Variants in CCDC9 observed in about 807,000 individuals in gnomAD.
CCDC9 encodes the protein coiled-coil domain-containing protein 9.
A neutral mutation model predicts 65.6 loss-of-function variants in CCDC9; 52 were observed. That is an observed-to-expected ratio of 0.79 (90% CI 0.63 to 1.00). The LOEUF (loss-of-function observed/expected upper bound fraction) is 1.00. Ranked by LOEUF, CCDC9 falls within the 50% of genes least tolerant of loss-of-function variation. The pLI is 0.00. For missense variants in CCDC9, 834 were observed against 757.2 expected (o/e 1.10, Z -1.19); for synonymous variants, 332 against 280.3 (o/e 1.18, Z -1.84).
At position 47,271,765 on chromosome 19, in the gene CCDC9, G is replaced by C. The variant is rs1316428472; in HGVS notation, c.*87G>C. 1 of 1,472,832 alleles carries C rather than the reference G, an allele frequency of 6.8e-7. No individual in the cohort carries two copies. Among genetic ancestry groups the C allele is most frequent in the Non-Finnish European group, 8.9e-7 (1 of 1,117,430 alleles). 91.2% of individuals were successfully genotyped at this position (1,472,832 alleles called of 1,614,324 possible). A position where few individuals can be genotyped will look rare whatever the true frequency, so the allele number is the denominator to read the frequency against. ...CGCGCGCGCGCGCGCGCGCGCTAGA[G>C]GGGTGTGGCTGGTGGGGGACCCTTG... On this transcript the variant is annotated 3_prime_UTR_variant, in exon 12 of 12. Transcript: ENST00000221922.
intron 3 of CCDC9, among the ~76,000 whole-genome samples, chr19:47,258,910 AC>A (rs2059028313): frequency 6.6e-6 from 1 of 152,218 alleles, no homozygotes; most frequent in Non-Finnish European, 1.5e-5. Flanking sequence ...TGTGACTGAG[AC>A]AGACCCAGGC....
downstream of CCDC9, chr19:47,272,008 C>T: frequency 8.1e-7 from 1 of 1,239,088 alleles, no homozygotes; most frequent in Non-Finnish European, 1.0e-6. Context: ...TGGGCCTTCT[C>T]TCTTGGGGTG....
downstream of CCDC9, among the ~76,000 whole-genome samples, chr19:47,274,146 G>T (rs1269367692): frequency 2.0e-5 from 3 of 152,234 alleles, no homozygotes; most frequent in Non-Finnish European, 2.9e-5. Context: ...GAGGAGCTGG[G>T]AGAAGGGGCG....
At chr19:47,259,617 G>T (rs1453432826) in intron 3 of CCDC9, among the ~76,000 whole-genome samples, 2 of 152,086 alleles carry the variant, frequency 1.3e-5, no homozygotes, top group Non-Finnish European at 2.9e-5. Context: ...AGGTGGCATG[G>T]GTTTCATTTA....
At chr19:47,270,265 G>A (rs116465329) in intron 8 of CCDC9, 142 bp from the exon 9 acceptor site, 21 of 770,890 alleles carry the variant, frequency 2.7e-5, no homozygotes, top group African/African-American at 6.8e-5. Context: ...CACCATGCCC[G>A]GCCCTGTCCT....
At position 47,258,540 on chromosome 19, in the gene CCDC9, A is replaced by C; in HGVS notation, c.4-19A>C. 6.2e-7 allele frequency: 1 copy of C among 1,610,808 alleles called. No individual in the cohort carries two copies. Among genetic ancestry groups the C allele is most frequent in the African/African-American group, 1.3e-5 (1 of 74,936 alleles). Reference sequence around the variant, plus strand: ...ATGGAGGTTTTTCCTTCCATCCCTCAACTGCCTCCCGGTCTCAGGCAGCCA... The same window carrying C: ...ATGGAGGTTTTTCCTTCCATCCCTCCACTGCCTCCCGGTCTCAGGCAGCCA... On this transcript the variant is annotated intron_variant, in intron 2 of 11. Coordinates refer to ENST00000221922, the MANE Select transcript of CCDC9 (RefSeq NM_015603.3).
chr19:47,274,963 G>A, downstream of CCDC9: 2 of 1,399,320 alleles, frequency 1.4e-6, no homozygotes, highest in Non-Finnish European at 1.8e-6. Context: ...GAGAGCCCCG[G>A]AGGCGCGGGG....
downstream of CCDC9, chr19:47,273,264 T>A: frequency 1.4e-6 from 1 of 733,814 alleles, no homozygotes; most frequent in Non-Finnish European, 1.8e-6. Flanking sequence ...TCGAACTGGA[T>A]GAGAGACGTG....
intron 5 of CCDC9, among the ~76,000 whole-genome samples, chr19:47,263,420 G>A (rs2059058649): frequency 6.6e-6 from 1 of 152,170 alleles, no homozygotes; most frequent in Non-Finnish European, 1.5e-5. Flanking sequence ...CTTTCCCTGT[G>A]GAGTCCCAGG....
intron 1 of CCDC9, among the ~76,000 whole-genome samples, chr19:47,257,221 GGA>G (rs1484058292): frequency 6.6e-6 from 1 of 151,012 alleles, no homozygotes; most frequent in African/African-American, 2.4e-5. Context: ...GGTGTGGGAG[GGA>G]GTCAGGGGGC....
chr19:47,256,766 C>T (rs1318404128), intron 1 of CCDC9, among the ~76,000 whole-genome samples, 157 bp downstream of exon 1: 1 of 12,918 alleles, frequency 7.7e-5, no homozygotes, highest in Non-Finnish European at 1.4e-4. Flanking sequence ...GCTGGCGGGG[C>T]GGGCCGTTGG....
chr19:47,275,231 AC>A, downstream of CCDC9: 2 of 1,531,262 alleles, frequency 1.3e-6, no homozygotes, highest in South Asian at 1.2e-5. Context: ...GCGGGCCGCG[AC>A]CCCAGCTCCA....
chr19:47,271,279 CGAG>C lies in CCDC9; in HGVS notation c.1198_1200del (p.Glu400del). The C allele has an allele frequency of 6.2e-7, 1 of 1,612,300 alleles. No homozygotes were observed. The highest frequency in any genetic ancestry group is 8.5e-7 in the Non-Finnish European group (1 of 1,179,138). On this transcript the variant is annotated inframe_deletion, in exon 12 of 12. Transcript: ENST00000221922. ...ACTTGCCTGTGTCCCCAAAGCCACC[CGAG>C]ATCCCAGCTCCTGCCCACCGGCCTC...
chr19:47,259,787 A>G (rs1485571450), intron 3 of CCDC9, among the ~76,000 whole-genome samples: 1 of 152,228 alleles, frequency 6.6e-6, no homozygotes, highest in African/African-American at 2.4e-5. Context: ...TGGAGGAAGC[A>G]GACAGTGAGC....
chr19:47,263,228 C>T (rs871966), intron 5 of CCDC9, among the ~76,000 whole-genome samples: 11,690 of 152,138 alleles, frequency 0.077, 1,512 homozygotes, highest in African/African-American at 0.26. Context: ...ACTATGATTG[C>T]GGCAACCTTG....
At chr19:47,258,253 G>A (rs1046406790) in intron 1 of CCDC9, 77 bp from the exon 2 acceptor site, 1 of 778,488 alleles carries the variant, frequency 1.3e-6, no homozygotes, top group African/African-American at 1.7e-5. Context: ...ATGGCTGTGA[G>A]GATCCCGCAG....
In CCDC9 at chr19:47,271,353, G is replaced by T. The variant is rs1013904845; in HGVS notation, c.1271G>T (p.Trp424Leu). 3.1e-6 allele frequency: 5 copies of T among 1,613,526 alleles called. No homozygotes were observed. The highest frequency in any genetic ancestry group is 1.3e-5 in the African/African-American group (1 of 74,884). The stretch of plus-strand genomic sequence containing the variant: ...AATGAGGGGGAAGAGGATGAAGAAT[G>T]GGAGGACATAAGTGAGGATGAGGAA... ...EENEGEEDEE[W>L]EDISEDEEEE... Residue 424 changes from tryptophan (W) to leucine (L), a missense_variant, in exon 12 of 12, where the codon TGG (tryptophan) becomes TTG (leucine). Coordinates refer to ENST00000221922, the MANE Select transcript of CCDC9 (RefSeq NM_015603.3).
intron 3 of CCDC9, 91 bp downstream of exon 3, chr19:47,258,754 C>T (rs1161239631): frequency 7.8e-6 from 7 of 896,266 alleles, no homozygotes; most frequent in South Asian, 4.1e-5. Flanking sequence ...CTTTTCATGG[C>T]TCCCCATCAC....
chr19:47,264,567 C>T (rs1003353563), intron 5 of CCDC9, 36 bp from the exon 6 acceptor site: 3 of 1,551,900 alleles, frequency 1.9e-6, no homozygotes, highest in Non-Finnish European at 2.6e-6. Context: ...TAATAGTTCT[C>T]CCTGAAGCTG....
Sources: gnomAD v4.1 joint callset for allele counts (sites outside exome capture counted in the v4.1 genomes callset) on GRCh38, gnomAD v4.1.1 for gene constraint, MANE v1.5 for transcripts, NCBI Gene and HGNC (gene_info 2026-07-23, HGNC 2026-07-21) for gene names.